PACRG: variants seen among roughly 807,000 people sequenced by gnomAD.
The protein encoded by PACRG is parkin coregulated.
In PACRG, 29 loss-of-function variants were observed where a neutral mutation model predicts 29.7. The observed-to-expected ratio is 0.98, with a 90% CI of 0.73 to 1.33. PACRG has a LOEUF of 1.33. PACRG is among the 40% of genes most tolerant of loss of function. The pLI, the probability that PACRG is intolerant of heterozygous loss-of-function variation, is 0.00. For synonymous variants in PACRG, 116 were observed against 118.7 expected, an observed-to-expected ratio of 0.98 and a Z score of 0.15; for missense variants, 279 against 316.2, an observed-to-expected ratio of 0.88 and a Z score of 0.89.
intron 2 of PACRG, among the ~76,000 whole-genome samples, chr6:162,918,526 T>C (rs947165949): frequency 6.6e-6 from 1 of 152,162 alleles, no homozygotes; most frequent in Admixed American, 6.5e-5. Flanking sequence ...AGCACAATGA[T>C]TCCAAAAACT....
intron 2 of PACRG, among the ~76,000 whole-genome samples, chr6:162,903,637 C>A (rs1010158013): frequency 6.6e-6 from 1 of 152,150 alleles, no homozygotes; most frequent in African/African-American, 2.4e-5. Flanking sequence ...AGTTATCTCC[C>A]ACTGGGTCCC....
intron 3 of PACRG, among the ~76,000 whole-genome samples, chr6:163,083,160 A>C (rs1050688147): frequency 4.6e-5 from 7 of 152,226 alleles, no homozygotes; most frequent in African/African-American, 1.7e-4. Flanking sequence ...AAAGGAAAAT[A>C]TCTTGGGCCC....
chr6:163,141,950 G>T (rs1044955404), intron 4 of PACRG, among the ~76,000 whole-genome samples: 1 of 152,060 alleles, frequency 6.6e-6, no homozygotes, highest in Admixed American at 6.5e-5. Context: ...ACCCAGTAGC[G>T]ATAGTCCTTT....
intron 2 of PACRG, among the ~76,000 whole-genome samples, chr6:162,928,389 A>T (rs1201681698): frequency 6.6e-6 from 1 of 151,788 alleles, no homozygotes; most frequent in Non-Finnish European, 1.5e-5. Flanking sequence ...ATTTAAATGT[A>T]TGTGGGTCTT....
chr6:162,773,596 G>A (rs71567667), intron 1 of PACRG, among the ~76,000 whole-genome samples: 13,196 of 132,790 alleles, frequency 0.099, 884 homozygotes, highest in South Asian at 0.25. Flanking sequence ...CTCACTGCAA[G>A]CTCCGCTTCC....
At chr6:162,869,464 T>C (rs1281077218) in intron 2 of PACRG, among the ~76,000 whole-genome samples, 1 of 152,190 alleles carries the variant, frequency 6.6e-6, no homozygotes, top group Non-Finnish European at 1.5e-5. Context: ...TTCAGACTAT[T>C]GTCAGGAAAA....
intron 2 of PACRG, among the ~76,000 whole-genome samples, chr6:162,988,187 T>C (rs1252553214): frequency 6.6e-6 from 1 of 152,208 alleles, no homozygotes; most frequent in Admixed American, 6.5e-5. Context: ...GGGAGCTGCA[T>C]GTTAGCCCTG....
rs939046892 is a variant in PACRG at position 162,866,695 on chromosome 6, A to T, written c.291+52414A>T. Among the ~76,000 whole-genome samples, 15 of 152,186 alleles carry T rather than the reference A, an allele frequency of 9.9e-5. No homozygotes were observed. In the South Asian group the frequency reaches 1.0e-3, roughly 10 times the overall value. On this transcript the variant is annotated intron_variant, in intron 2 of 4. Transcript: ENST00000366888. Reference sequence around the variant, plus strand: ...AGTTACTGACTTTCCTACTTCCAAAACAGTTTGAGGGAACTTAAAAGACAC... The same window carrying T: ...AGTTACTGACTTTCCTACTTCCAAATCAGTTTGAGGGAACTTAAAAGACAC...
intron 4 of PACRG, among the ~76,000 whole-genome samples, chr6:163,095,651 A>G (rs961915226): frequency 1.3e-5 from 2 of 150,082 alleles, no homozygotes; most frequent in African/African-American, 2.5e-5. Context: ...TGGATGACGC[A>G]TCACTCCAGT....
chr6:162,849,337 G>A (rs1479132229), intron 2 of PACRG, among the ~76,000 whole-genome samples: 1 of 152,194 alleles, frequency 6.6e-6, no homozygotes, highest in Non-Finnish European at 1.5e-5. Context: ...GAAAAGAACA[G>A]GAAAGGTGAA....
At chr6:163,093,026 C>G (rs1222468418) in intron 4 of PACRG, among the ~76,000 whole-genome samples, 3 of 152,200 alleles carry the variant, frequency 2.0e-5, no homozygotes, top group Non-Finnish European at 2.9e-5. Flanking sequence ...CATTTTGGCT[C>G]TAATTGCCAA....
At chr6:163,267,657 A>G (rs1783581342) in intron 4 of PACRG, among the ~76,000 whole-genome samples, 1 of 152,248 alleles carries the variant, frequency 6.6e-6, no homozygotes, top group South Asian at 2.1e-4. Flanking sequence ...AATTCTATGT[A>G]TATGTGCAGA....
chr6:163,248,627 A>G (rs1782784210), intron 4 of PACRG, among the ~76,000 whole-genome samples: 1 of 152,198 alleles, frequency 6.6e-6, no homozygotes, highest in East Asian at 1.9e-4. Flanking sequence ...CAGAATTCCC[A>G]ATTTCCAACA....
intron 4 of PACRG, among the ~76,000 whole-genome samples, chr6:163,238,968 G>A (rs914024407): frequency 6.6e-6 from 1 of 152,120 alleles, no homozygotes; most frequent in Non-Finnish European, 1.5e-5. Context: ...AGTGAGTTTG[G>A]TGGAAGCAAA....
intron 4 of PACRG, among the ~76,000 whole-genome samples, chr6:163,156,084 C>T (rs1778302893): frequency 6.6e-6 from 1 of 152,210 alleles, no homozygotes; most frequent in African/African-American, 2.4e-5. Context: ...CGGAAAGCTG[C>T]CTTGGGAAAG....
intron 2 of PACRG, among the ~76,000 whole-genome samples, chr6:162,989,980 T>C (rs1022437910): frequency 6.6e-6 from 1 of 151,286 alleles, no homozygotes; most frequent in East Asian, 2.0e-4. Flanking sequence ...TGAGTGAGAA[T>C]ATGCGGTGTT....
At chr6:162,825,029 G>C (rs1788159395) in intron 2 of PACRG, among the ~76,000 whole-genome samples, 1 of 152,112 alleles carries the variant, frequency 6.6e-6, no homozygotes. Context: ...ATTTCAGGGA[G>C]TGCAGCTTGC....
intron 2 of PACRG, chr6:162,997,440 C>T (rs141554645): frequency 2.2e-6 from 1 of 454,022 alleles, no homozygotes; most frequent in East Asian, 7.0e-5. Flanking sequence ...ACCACATCAC[C>T]TTGGCCCTTA....
chr6:162,863,882 T>C (rs1398420347), intron 2 of PACRG, among the ~76,000 whole-genome samples: 2 of 152,324 alleles, frequency 1.3e-5, no homozygotes, highest in East Asian at 1.9e-4. Flanking sequence ...ACCTTTCTGC[T>C]TCATTTTTCT....
Sources: gnomAD v4.1 joint callset for allele counts (sites outside exome capture counted in the v4.1 genomes callset) on GRCh38, gnomAD v4.1.1 for gene constraint, MANE v1.5 for transcripts, NCBI Gene and HGNC (gene_info 2026-07-23, HGNC 2026-07-21) for gene names.